Variants in COL21A1 observed in about 807,000 individuals in gnomAD.
The protein encoded by COL21A1 is collagen alpha-1(XXI) chain.
In COL21A1, 149 loss-of-function variants were observed where a neutral mutation model predicts 137.9. That is an observed-to-expected ratio of 1.08 (90% confidence interval 0.95 to 1.24). The LOEUF (loss-of-function observed/expected upper bound fraction) is 1.24, where lower values mean the gene tolerates loss of function less well. COL21A1 is among the 50% of genes most tolerant of loss of function. The pLI, the probability that COL21A1 is intolerant of heterozygous loss-of-function variation, is 0.00. For missense variants in COL21A1, 1,167 were observed against 1,158.4 expected, an observed-to-expected ratio of 1.01 and a Z score of -0.11; for synonymous variants, 456 against 391.5, an observed-to-expected ratio of 1.16 and a Z score of -1.95.
At chr6:56,237,325 A>G (rs1388922451) in intron 1 of COL21A1, among the ~76,000 whole-genome samples, 1 of 152,118 alleles carries the variant, frequency 6.6e-6, no homozygotes, top group Admixed American at 6.6e-5. Context: ...AGCATTGGCA[A>G]TACAAAAACA....
chr6:56,155,511 G>A lies in COL21A1; in HGVS notation c.1434+1376C>T, dbSNP rs76241211. Among the ~76,000 whole-genome samples, 1,285 of 152,216 alleles carry A rather than the reference G, an allele frequency of 8.4e-3. 21 individuals carry two copies. Among genetic ancestry groups the A allele is most frequent in the African/African-American group, 0.03 (1,236 of 41,526 alleles). On this transcript the variant is annotated intron_variant, in intron 10 of 29. Transcript: ENST00000244728. ...ACAATGTAAACATTCCCACTCTTTCGTGGTAAGAATTAATGCCTCATGATA... is the reference window on the plus strand; with the variant it reads ...ACAATGTAAACATTCCCACTCTTTCATGGTAAGAATTAATGCCTCATGATA...
intron 1 of COL21A1, among the ~76,000 whole-genome samples, chr6:56,246,499 T>G (rs2152327612): frequency 6.6e-6 from 1 of 152,030 alleles, no homozygotes; most frequent in East Asian, 1.9e-4. Context: ...GGCAAAACTC[T>G]ACTAATAAAT....
chr6:56,115,777 A>G (rs1771865573), intron 16 of COL21A1, among the ~76,000 whole-genome samples: 1 of 152,206 alleles, frequency 6.6e-6, no homozygotes, highest in South Asian at 2.1e-4. Flanking sequence ...AATTCAAGAT[A>G]TGCAGAGAAG....
At chr6:56,174,033 G>GA (rs1411621919) in intron 3 of COL21A1, among the ~76,000 whole-genome samples, 3 of 152,004 alleles carry the variant, frequency 2.0e-5, no homozygotes, top group African/African-American at 7.2e-5. Flanking sequence ...ACAACAGGAG[G>GA]AAAATTGAAA....
intron 16 of COL21A1, among the ~76,000 whole-genome samples, chr6:56,112,959 C>T (rs1382632716): frequency 6.6e-6 from 1 of 152,140 alleles, no homozygotes; most frequent in Non-Finnish European, 1.5e-5. Flanking sequence ...GCTGGGATTA[C>T]AGGCATGAGT....
intron 1 of COL21A1, among the ~76,000 whole-genome samples, chr6:56,239,450 A>G (rs1181906927): frequency 6.6e-6 from 1 of 152,198 alleles, no homozygotes; most frequent in Non-Finnish European, 1.5e-5. Context: ...CTACCATCTC[A>G]CAACCCAAAC....
At chr6:56,121,782 A>G (rs1048009415) in intron 16 of COL21A1, among the ~76,000 whole-genome samples, 1 of 151,904 alleles carries the variant, frequency 6.6e-6, no homozygotes, top group South Asian at 2.1e-4. Flanking sequence ...TTTCCATTCA[A>G]TTTTGCTATA....
chr6:56,317,021 T>C (rs1764754997), intron 1 of COL21A1, among the ~76,000 whole-genome samples: 1 of 152,062 alleles, frequency 6.6e-6, no homozygotes, highest in South Asian at 2.1e-4. Context: ...ATTCAAGCAA[T>C]GAATCAAAAT....
At chr6:56,120,293 G>A (rs148572475) in intron 16 of COL21A1, among the ~76,000 whole-genome samples, 150 of 152,294 alleles carry the variant, frequency 9.8e-4, no homozygotes, top group African/African-American at 3.5e-3. Context: ...ACAGGCATAT[G>A]AAAAGATGTT....
At chr6:56,099,175 G>T (rs1314883050) in intron 17 of COL21A1, among the ~76,000 whole-genome samples, 3 of 148,478 alleles carry the variant, frequency 2.0e-5, no homozygotes, top group African/African-American at 7.5e-5. Context: ...ATGAATTACA[G>T]ATTCCAAATA....
At chr6:56,192,710 A>G (rs1281280412) in intron 1 of COL21A1, among the ~76,000 whole-genome samples, 1 of 152,222 alleles carries the variant, frequency 6.6e-6, no homozygotes, top group East Asian at 1.9e-4. Context: ...GGATGTGGAG[A>G]AATAGGAATG....
At chr6:56,154,414 T>C (rs1401524389) in intron 10 of COL21A1, among the ~76,000 whole-genome samples, 4 of 152,186 alleles carry the variant, frequency 2.6e-5, no homozygotes, top group African/African-American at 9.6e-5. Flanking sequence ...TCTTGCCCAG[T>C]ACAGTAAATG....
intron 16 of COL21A1, among the ~76,000 whole-genome samples, chr6:56,112,789 A>T (rs1484596247): frequency 6.7e-6 from 1 of 148,432 alleles, no homozygotes; most frequent in Admixed American, 6.9e-5. Context: ...GGTTCAACCG[A>T]TTCTCCTGCC....
At chr6:56,213,300 T>G (rs1309601289) in intron 1 of COL21A1, among the ~76,000 whole-genome samples, 2 of 152,130 alleles carry the variant, frequency 1.3e-5, no homozygotes, top group Non-Finnish European at 2.9e-5. Context: ...GTAGTGATGT[T>G]TTCACTTACA....
chr6:56,068,912 T>C (rs1032913530), intron 22 of COL21A1, 134 bp downstream of exon 22: 1 of 649,446 alleles, frequency 1.5e-6, no homozygotes, highest in Non-Finnish European at 2.7e-6. Context: ...ATATTATACA[T>C]ACATCGAATA....
At chr6:56,309,789 T>G (rs1362993114) in intron 1 of COL21A1, among the ~76,000 whole-genome samples, 1 of 152,254 alleles carries the variant, frequency 6.6e-6, no homozygotes, top group African/African-American at 2.4e-5. Flanking sequence ...TGCATGCATT[T>G]TTGTCTACTT....
At chr6:56,139,144 G>A (rs1386075343) in intron 12 of COL21A1, among the ~76,000 whole-genome samples, 7 of 152,060 alleles carry the variant, frequency 4.6e-5, no homozygotes, top group African/African-American at 1.7e-4. Context: ...AACAGAGAGA[G>A]GAAGGATAAA....
intron 1 of COL21A1, among the ~76,000 whole-genome samples, chr6:56,263,086 C>T (rs571114491): frequency 5.9e-4 from 90 of 152,304 alleles, no homozygotes; most frequent in Middle Eastern, 3.4e-3. Flanking sequence ...CCAACCACTC[C>T]GCTCCTGCAA....
chr6:56,358,178 C>T (rs1765879740), intron 1 of COL21A1, among the ~76,000 whole-genome samples: 1 of 151,854 alleles, frequency 6.6e-6, no homozygotes, highest in African/African-American at 2.4e-5. Flanking sequence ...TTTTAGGTTT[C>T]AGGGAATGCA....
Sources: allele counts gnomAD v4.1 joint callset (sites outside exome capture counted in the v4.1 genomes callset), GRCh38; gene constraint gnomAD v4.1.1; transcripts MANE v1.5; gene names NCBI Gene and HGNC (gene_info 2026-07-23, HGNC 2026-07-21).